Variants in LRRC8D observed in about 807,000 individuals in gnomAD.
LRRC8D encodes volume-regulated anion channel subunit LRRC8D.
LRRC8D carries 20 observed loss-of-function variants against 55.8 expected under a neutral mutation model. That is an observed-to-expected ratio of 0.36 (90% CI 0.25 to 0.52). The LOEUF (loss-of-function observed/expected upper bound fraction) is 0.52. Ranked by LOEUF, LRRC8D falls within the 20% of genes least tolerant of loss-of-function variation. The pLI is 0.93. For synonymous variants in LRRC8D, 352 were observed against 377.0 expected, an observed-to-expected ratio of 0.93 and a Z score of 0.77; for missense variants, 651 against 1,030.8, an observed-to-expected ratio of 0.63 and a Z score of 5.05.
intron 2 of LRRC8D, among the ~76,000 whole-genome samples, chr1:89,879,947 T>C (rs1662238480): frequency 6.6e-6 from 1 of 152,060 alleles, no homozygotes. Context: ...GTAGAAGCCA[T>C]TTAATTCTTC....
intron 2 of LRRC8D, among the ~76,000 whole-genome samples, chr1:89,870,485 AAG>A (rs1491222195): frequency 6.6e-6 from 1 of 152,162 alleles, no homozygotes; most frequent in Non-Finnish European, 1.5e-5. Context: ...CAAAAAAAAA[AAG>A]AAGAAGATAG....
intron 1 of LRRC8D, among the ~76,000 whole-genome samples, chr1:89,828,454 G>GT (rs989971410): frequency 5.3e-5 from 8 of 152,182 alleles, no homozygotes; most frequent in Non-Finnish European, 1.0e-4. Flanking sequence ...TAAGAGTCTG[G>GT]TTTTTTGTTT....
intron 2 of LRRC8D, among the ~76,000 whole-genome samples, chr1:89,905,299 C>T (rs1205693620): frequency 1.3e-5 from 2 of 152,154 alleles, no homozygotes; most frequent in Non-Finnish European, 2.9e-5. Context: ...AATTGTTTCC[C>T]TCTAAGAATT....
chr1:89,896,920 T>C (rs554157656), intron 2 of LRRC8D, among the ~76,000 whole-genome samples: 9 of 152,262 alleles, frequency 5.9e-5, no homozygotes, highest in Admixed American at 1.3e-4. Context: ...CTAGACACTT[T>C]ATTGCAGCAT....
intron 2 of LRRC8D, among the ~76,000 whole-genome samples, chr1:89,896,145 C>T (rs528792943): frequency 1.2e-4 from 19 of 152,266 alleles, no homozygotes; most frequent in South Asian, 8.3e-4. Context: ...TGGCCAATAA[C>T]GGCATATTGC....
chr1:89,909,262 T>C (rs1190609530), intron 2 of LRRC8D, among the ~76,000 whole-genome samples: 1 of 152,024 alleles, frequency 6.6e-6, no homozygotes, highest in Non-Finnish European at 1.5e-5. Context: ...GCAATTCAGG[T>C]CTGGTTTTTC....
intron 1 of LRRC8D, among the ~76,000 whole-genome samples, chr1:89,841,923 T>C (rs1177735730): frequency 6.6e-6 from 1 of 152,152 alleles, no homozygotes; most frequent in East Asian, 1.9e-4. Flanking sequence ...CTAGAATTCA[T>C]GATCATTGGC....
chr1:89,824,476 T>C (rs1404961865), intron 1 of LRRC8D, among the ~76,000 whole-genome samples: 1 of 152,230 alleles, frequency 6.6e-6, no homozygotes, highest in Non-Finnish European at 1.5e-5. Context: ...TTTAGTAAAT[T>C]CTTACCCTTT....
intron 2 of LRRC8D, among the ~76,000 whole-genome samples, chr1:89,866,864 A>G (rs1012094013): frequency 2.0e-5 from 3 of 151,304 alleles, no homozygotes; most frequent in African/African-American, 7.2e-5. Flanking sequence ...TGAGGATTTC[A>G]AGTGTATCAA....
Position 89,933,125 on chromosome 1 carries a change from C to G in LRRC8D, c.57C>G (p.Ile19Met), listed in dbSNP as rs756040587. ...SLNDIQPTYR[I>M]LKPWWDVFMD... ...ATGACATTCAGCCAACTTACCGAAT[C>G]CTGAAACCATGGTGGGATGTGTTTA... Residue 19 changes from isoleucine to methionine, a missense_variant, in exon 3 of 3, where the codon ATC (isoleucine) becomes ATG (methionine). Transcript: ENST00000337338. This position sits in a 1 kb window ranked among gnomAD's most constrained non-coding sequence, Gnocchi z 7.0. 1.9e-6 allele frequency: 3 copies of G among 1,613,626 alleles called. No homozygotes were observed. The highest frequency in any genetic ancestry group is 2.5e-6 in the Non-Finnish European group (3 of 1,179,574).
intron 2 of LRRC8D, among the ~76,000 whole-genome samples, chr1:89,930,199 A>C (rs572041003): frequency 6.6e-6 from 1 of 152,188 alleles, no homozygotes; most frequent in South Asian, 2.1e-4. Context: ...TCAGGTTTCT[A>C]TGTACTTCAT....
intron 2 of LRRC8D, among the ~76,000 whole-genome samples, chr1:89,865,124 G>A (rs1232769325): frequency 1.3e-5 from 2 of 151,962 alleles, no homozygotes; most frequent in Admixed American, 6.6e-5. Flanking sequence ...TGTCTATCTT[G>A]TTTCCCACTG....
intron 1 of LRRC8D, among the ~76,000 whole-genome samples, chr1:89,830,125 T>C (rs1660852388): frequency 6.6e-6 from 1 of 152,246 alleles, no homozygotes; most frequent in Admixed American, 6.5e-5. Context: ...ATCATATTCA[T>C]AGGCTGTTTC....
chr1:89,851,657 A>T (rs1056525560), intron 2 of LRRC8D, among the ~76,000 whole-genome samples: 3 of 151,958 alleles, frequency 2.0e-5, no homozygotes, highest in African/African-American at 7.3e-5. Context: ...TTACAGGTGC[A>T]CATTGCCACA....
chr1:89,920,005 A>G (rs1476900315), intron 2 of LRRC8D, among the ~76,000 whole-genome samples: 1 of 152,182 alleles, frequency 6.6e-6, no homozygotes, highest in Non-Finnish European at 1.5e-5. Context: ...CTGAGATTGT[A>G]TGGAATAAAA....
rs745656260 is a variant in LRRC8D, at chr1:89,933,811, G to A, written c.743G>A (p.Ser248Asn). 1.9e-6 allele frequency: 3 copies of A among 1,614,170 alleles called. No homozygotes were observed. Among genetic ancestry groups the A allele is most frequent in the East Asian group, 4.5e-5 (2 of 44,886 alleles). Residue 248 changes from serine (S) to asparagine (N), a missense_variant, in exon 3 of 3, where the codon AGT (serine) becomes AAT (asparagine). This residue lies in a region of LRRC8D where 178 missense variants were observed against 374.9 expected (regional missense o/e 0.47). Coordinates refer to ENST00000337338, the MANE Select transcript of LRRC8D (RefSeq NM_001134479.2). This position sits in a 1 kb window ranked among gnomAD's most constrained non-coding sequence, Gnocchi z 7.0. The part of the protein sequence containing the change: ...VSTSSDEGSP[S>N]ASTPMINKTG... Reference sequence around the variant, plus strand: ...ACCAGCAGTGATGAAGGGAGCCCCAGTGCCAGTACACCAATGATCAATAAA... The same window carrying A: ...ACCAGCAGTGATGAAGGGAGCCCCAATGCCAGTACACCAATGATCAATAAA...
At chr1:89,823,910 A>G (rs1660702060) in intron 1 of LRRC8D, among the ~76,000 whole-genome samples, 1 of 152,200 alleles carries the variant, frequency 6.6e-6, no homozygotes, top group Non-Finnish European at 1.5e-5. Flanking sequence ...TGTGGAACAG[A>G]ATATACGACT....
intron 2 of LRRC8D, among the ~76,000 whole-genome samples, chr1:89,867,605 A>G (rs1661883931): frequency 1.3e-5 from 2 of 151,924 alleles, no homozygotes; most frequent in South Asian, 4.1e-4. Flanking sequence ...ATATATTTTC[A>G]TTTTTCTTGC....
intron 1 of LRRC8D, among the ~76,000 whole-genome samples, chr1:89,823,779 C>T (rs1019590288): frequency 6.6e-6 from 1 of 152,106 alleles, no homozygotes; most frequent in Non-Finnish European, 1.5e-5. Context: ...ATGAGGATGC[C>T]AGCAGAAGCA....
Sources: gnomAD v4.1 joint callset for allele counts (sites outside exome capture counted in the v4.1 genomes callset) on GRCh38, gnomAD v4.1.1 for gene constraint, gnomAD v4.1.1 regional missense constraint, Gnocchi (gnomAD v3.1) non-coding constraint, MANE v1.5 for transcripts, NCBI Gene and HGNC (gene_info 2026-07-23, HGNC 2026-07-21) for gene names.